Variants in IQCM observed in about 807,000 individuals in gnomAD.
The protein encoded by IQCM is IQ motif containing M, also known as IQ domain-containing protein M.
A neutral mutation model predicts 57.6 loss-of-function variants in IQCM; 45 were observed. That is an observed-to-expected ratio of 0.78 (90% CI 0.62 to 1.00). The LOEUF (loss-of-function observed/expected upper bound fraction) is 1.00. Among genes scored for constraint, IQCM ranks in the 50% least tolerant of loss-of-function variants. The probability of loss-of-function intolerance (pLI) is 0.00; values close to 1 mark genes in which losing one functional copy is unlikely to be tolerated. For synonymous variants in IQCM, 148 were observed against 158.9 expected, an observed-to-expected ratio of 0.93 and a Z score of 0.51; for missense variants, 468 against 511.6, an observed-to-expected ratio of 0.91 and a Z score of 0.82.
chr4:149,355,233 T>C (rs1387878535), intron 13 of IQCM, among the ~76,000 whole-genome samples: 2 of 152,050 alleles, frequency 1.3e-5, no homozygotes, highest in Non-Finnish European at 2.9e-5. Context: ...TCAAAGTAAA[T>C]ATTCTTTTTT....
At chr4:149,730,875 C>G (rs1028216033) in intron 5 of IQCM, among the ~76,000 whole-genome samples, 1 of 152,184 alleles carries the variant, frequency 6.6e-6, no homozygotes, top group Non-Finnish European at 1.5e-5. Flanking sequence ...TTTTGTCTCT[C>G]ATACCTCACA....
At chr4:149,499,167 A>T (rs1742982536) in intron 12 of IQCM, among the ~76,000 whole-genome samples, 1 of 152,166 alleles carries the variant, frequency 6.6e-6, no homozygotes, top group Non-Finnish European at 1.5e-5. Context: ...CTGGAATACT[A>T]ACACAATTTC....
intron 7 of IQCM, among the ~76,000 whole-genome samples, chr4:149,672,117 T>C (rs913499482): frequency 6.6e-5 from 10 of 152,082 alleles, no homozygotes; most frequent in Non-Finnish European, 1.3e-4. Context: ...ACCCCACCTA[T>C]ACATCACCAT....
chr4:149,499,902 T>C (rs191098682), intron 12 of IQCM, among the ~76,000 whole-genome samples: 13 of 152,308 alleles, frequency 8.5e-5, no homozygotes, highest in African/African-American at 3.1e-4. Context: ...CCTCAGAAAC[T>C]GCCTCAAGAC....
chr4:149,543,863 C>T (rs1300864705), intron 12 of IQCM, among the ~76,000 whole-genome samples: 1 of 151,944 alleles, frequency 6.6e-6, no homozygotes, highest in African/African-American at 2.4e-5. Context: ...CTTAAACAAC[C>T]TAAACTGAAG....
chr4:149,710,173 A>C (rs199554372), intron 5 of IQCM, among the ~76,000 whole-genome samples: 2 of 152,280 alleles, frequency 1.3e-5, no homozygotes, highest in East Asian at 3.9e-4. Context: ...AAATAAAATC[A>C]GTTGTAAGAG....
chr4:149,405,906 ATATT>A (rs1560808919), intron 13 of IQCM, among the ~76,000 whole-genome samples: 2 of 131,410 alleles, frequency 1.5e-5, no homozygotes, highest in Admixed American at 7.8e-5. Context: ...ATATATATAT[ATATT>A]TATCTCCATA....
chr4:149,455,144 ATGTAACCTTGT>A (rs1484765625), intron 12 of IQCM, among the ~76,000 whole-genome samples: 1 of 152,106 alleles, frequency 6.6e-6, no homozygotes, highest in Non-Finnish European at 1.5e-5. Context: ...CGTTTATTAG[ATGTAACCTTGT>A]TGTAACCTTT....
intron 2 of IQCM, among the ~76,000 whole-genome samples, chr4:149,808,950 T>G (rs1489780847): frequency 6.6e-6 from 1 of 152,174 alleles, no homozygotes; most frequent in African/African-American, 2.4e-5. Flanking sequence ...CAAACACTTT[T>G]GAAGATGTTT....
chr4:149,364,583 A>C (rs1445397759), intron 13 of IQCM, among the ~76,000 whole-genome samples: 1 of 152,156 alleles, frequency 6.6e-6, no homozygotes. Context: ...ACAAGATTGC[A>C]TTGAGGATGT....
At chr4:149,411,754 G>T (rs1050440611) in intron 13 of IQCM, among the ~76,000 whole-genome samples, 1 of 152,038 alleles carries the variant, frequency 6.6e-6, no homozygotes, top group East Asian at 1.9e-4. Context: ...TGGGTACTAT[G>T]CTATGTTACT....
intron 5 of IQCM, among the ~76,000 whole-genome samples, chr4:149,687,780 C>T (rs1579999401): frequency 6.6e-6 from 1 of 151,866 alleles, no homozygotes; most frequent in East Asian, 1.9e-4. Context: ...ACCAGGGATG[C>T]AGGGATGGTT....
At chr4:149,421,463 T>A (rs1275179338) in intron 13 of IQCM, among the ~76,000 whole-genome samples, 4 of 152,026 alleles carry the variant, frequency 2.6e-5, no homozygotes, top group African/African-American at 9.7e-5. Context: ...ATAAATATGG[T>A]CAAAATTGTT....
intron 13 of IQCM, among the ~76,000 whole-genome samples, chr4:149,381,488 C>G (rs535141711): frequency 6.6e-6 from 1 of 152,040 alleles, no homozygotes; most frequent in African/African-American, 2.4e-5. Context: ...ATTACGTAGG[C>G]GTCTCAGCTC....
At chr4:149,388,764 CAT>C (rs922363667) in intron 13 of IQCM, among the ~76,000 whole-genome samples, 8 of 142,870 alleles carry the variant, frequency 5.6e-5, no homozygotes, top group Non-Finnish European at 9.1e-5. Flanking sequence ...ATATATATGA[CAT>C]ATATATATAC....
chr4:149,559,660 C>G (rs1560991284), intron 10 of IQCM, among the ~76,000 whole-genome samples: 1 of 152,066 alleles, frequency 6.6e-6, no homozygotes, highest in East Asian at 1.9e-4. Context: ...GAAATTGGAC[C>G]CAGTATATAG....
At position 149,449,888 on chromosome 4, in the gene IQCM, C is replaced by T. The variant is rs1024412242; in HGVS notation, c.1229-16331G>A. 1.5e-4 allele frequency among the ~76,000 whole-genome samples: 23 copies of T among 151,562 alleles called. 1 individual carries two copies. The South Asian group carries it at 2.7e-3, about 18-fold the overall frequency. ...AAATTGATAAGGAATCAAAAAAGACCGAGAGTAGCCAAAGCCATCCTAAGC... is the reference window on the plus strand; with the variant it reads ...AAATTGATAAGGAATCAAAAAAGACTGAGAGTAGCCAAAGCCATCCTAAGC... On this transcript the variant is annotated intron_variant, in intron 12 of 13. Coordinates refer to ENST00000636793, the MANE Select transcript of IQCM (RefSeq NM_001363507.2).
intron 5 of IQCM, among the ~76,000 whole-genome samples, chr4:149,711,395 G>A (rs1160722195): frequency 6.6e-6 from 1 of 152,148 alleles, no homozygotes; most frequent in Non-Finnish European, 1.5e-5. Context: ...TCCTGGTTCT[G>A]CCATTTACTA....
intron 12 of IQCM, among the ~76,000 whole-genome samples, chr4:149,540,526 A>G (rs1001455774): frequency 6.6e-6 from 1 of 151,922 alleles, no homozygotes; most frequent in Non-Finnish European, 1.5e-5. Context: ...ACTGTCGTCC[A>G]CTCTGATTTA....
Sources: allele counts gnomAD v4.1 joint callset (sites outside exome capture counted in the v4.1 genomes callset), GRCh38; gene constraint gnomAD v4.1.1; transcripts MANE v1.5; gene names NCBI Gene and HGNC (gene_info 2026-07-23, HGNC 2026-07-21).